PLD5: variants seen among roughly 807,000 people sequenced by gnomAD.
The protein encoded by PLD5 is inactive phospholipase D5.
PLD5 carries 36 observed loss-of-function variants against 61.1 expected under a neutral mutation model. The observed-to-expected ratio is 0.59, with a 90% CI of 0.45 to 0.78. The LOEUF (loss-of-function observed/expected upper bound fraction) is 0.78. PLD5 is among the 30% of genes least tolerant of loss of function. PLD5 has a pLI of 0.00. For missense variants in PLD5, 515 were observed against 644.4 expected, an observed-to-expected ratio of 0.80 and a Z score of 2.17; for synonymous variants, 243 against 242.8, an observed-to-expected ratio of 1.00 and a Z score of -0.01.
intron 5 of PLD5, among the ~76,000 whole-genome samples, chr1:242,172,555 C>CA (rs758719081): frequency 2.6e-5 from 4 of 151,968 alleles, no homozygotes; most frequent in Non-Finnish European, 4.4e-5. Context: ...GATAGAGACA[C>CA]AAAAAACCCT....
rs1574595326 is a variant in PLD5 at position 242,242,521 on chromosome 1, A to T, written c.608-22406T>A. Among the ~76,000 whole-genome samples the T allele has an allele frequency of 2.0e-5, 3 of 152,346 alleles. No homozygotes were observed. The Middle Eastern group carries it at 0.01, about 518-fold the overall frequency. On this transcript the variant is annotated intron_variant, in intron 4 of 9. Coordinates refer to ENST00000536534, the MANE Select transcript of PLD5 (RefSeq NM_001372062.1). Reference sequence around the variant, plus strand: ...TTTTCTAAGGTTTTGCTAAAGATCCAATAACATTGGCTAAAATCACACGCA... The same window carrying T: ...TTTTCTAAGGTTTTGCTAAAGATCCTATAACATTGGCTAAAATCACACGCA...
At chr1:242,245,765 A>G (rs389392) in intron 4 of PLD5, among the ~76,000 whole-genome samples, 144,467 of 152,226 alleles carry the variant, frequency 0.95, 69,026 homozygotes, top group East Asian at 1. Flanking sequence ...TGCATATTCC[A>G]AGCACAGATT....
At chr1:242,198,812 G>A (rs1044493268) in intron 5 of PLD5, among the ~76,000 whole-genome samples, 5 of 151,226 alleles carry the variant, frequency 3.3e-5, no homozygotes, top group East Asian at 1.9e-4. Flanking sequence ...TCAGCTCACC[G>A]CAACCTCCAC....
chr1:242,102,117 G>A (rs12129551), intron 8 of PLD5, among the ~76,000 whole-genome samples: 32,912 of 152,154 alleles, frequency 0.22, 3,713 homozygotes, highest in South Asian at 0.28. Context: ...TCACATGAAT[G>A]TTGAGGGCAT....
intron 3 of PLD5, among the ~76,000 whole-genome samples, chr1:242,281,772 C>T (rs1674733736): frequency 6.6e-6 from 1 of 152,020 alleles, no homozygotes; most frequent in Non-Finnish European, 1.5e-5. Context: ...CTGAAGTGCC[C>T]CCTGCTTCTC....
intron 4 of PLD5, among the ~76,000 whole-genome samples, chr1:242,264,051 C>T (rs1281889024): frequency 6.6e-6 from 1 of 151,994 alleles, no homozygotes; most frequent in Non-Finnish European, 1.5e-5. Context: ...CTAGGAAACT[C>T]CATAAGGAAA....
At chr1:242,245,838 A>G (rs1011173559) in intron 4 of PLD5, among the ~76,000 whole-genome samples, 4 of 152,116 alleles carry the variant, frequency 2.6e-5, no homozygotes, top group African/African-American at 9.7e-5. Context: ...CTCACCAGGT[A>G]GACCCACCAC....
chr1:242,383,378 G>T (rs897938911), intron 1 of PLD5, among the ~76,000 whole-genome samples: 1 of 151,936 alleles, frequency 6.6e-6, no homozygotes, highest in African/African-American at 2.4e-5. Flanking sequence ...TAAGAAGTTT[G>T]TCTATGTCCT....
intron 1 of PLD5, among the ~76,000 whole-genome samples, chr1:242,499,335 T>C (rs1668477582): frequency 6.6e-6 from 1 of 152,192 alleles, no homozygotes; most frequent in African/African-American, 2.4e-5. Flanking sequence ...GAATAATAAT[T>C]GCAGCCAAGA....
chr1:242,288,146 CAT>C (rs1461793302), intron 3 of PLD5, among the ~76,000 whole-genome samples: 1 of 152,188 alleles, frequency 6.6e-6, no homozygotes, highest in Non-Finnish European at 1.5e-5. Context: ...AAAGATGAAA[CAT>C]AATTTTGTCC....
At chr1:242,203,081 T>TA (rs953327981) in intron 5 of PLD5, among the ~76,000 whole-genome samples, 4 of 152,188 alleles carry the variant, frequency 2.6e-5, no homozygotes, top group Admixed American at 1.3e-4. Flanking sequence ...CAACCACCCT[T>TA]ACAGCAACTG....
At chr1:242,152,108 A>C (rs1057403294) in intron 5 of PLD5, among the ~76,000 whole-genome samples, 5 of 152,170 alleles carry the variant, frequency 3.3e-5, no homozygotes, top group Admixed American at 6.5e-5. Context: ...GATAAAATCA[A>C]GGTGTCAGCA....
chr1:242,504,970 A>G (rs1668673846), intron 1 of PLD5, among the ~76,000 whole-genome samples: 1 of 152,048 alleles, frequency 6.6e-6, no homozygotes, highest in Non-Finnish European at 1.5e-5. Flanking sequence ...AGCCTGGACA[A>G]CACAATGATA....
At chr1:242,150,069 TAA>T (rs1185946719) in intron 5 of PLD5, among the ~76,000 whole-genome samples, 1 of 151,840 alleles carries the variant, frequency 6.6e-6, no homozygotes, top group Non-Finnish European at 1.5e-5. Flanking sequence ...TCAATTTCCC[TAA>T]GATTTCCTCT....
intron 5 of PLD5, among the ~76,000 whole-genome samples, chr1:242,150,811 T>A (rs1219047709): frequency 5.9e-5 from 9 of 151,900 alleles, no homozygotes. Context: ...AATGACATGA[T>A]TAGATTAAAA....
At chr1:242,138,120 G>T (rs748394625) in intron 5 of PLD5, among the ~76,000 whole-genome samples, 1 of 152,122 alleles carries the variant, frequency 6.6e-6, no homozygotes, top group Non-Finnish European at 1.5e-5. Flanking sequence ...TTATAAAAAG[G>T]TGACGACTGC....
intron 1 of PLD5, among the ~76,000 whole-genome samples, chr1:242,461,488 A>G (rs1460800266): frequency 6.6e-6 from 1 of 152,208 alleles, no homozygotes; most frequent in Non-Finnish European, 1.5e-5. Context: ...TATTTTTAAA[A>G]AGTCACATAC....
At chr1:242,342,399 G>A (rs745376529) in intron 2 of PLD5, among the ~76,000 whole-genome samples, 3 of 152,212 alleles carry the variant, frequency 2.0e-5, no homozygotes, top group African/African-American at 7.2e-5. Flanking sequence ...AGCACCTGGA[G>A]CTCAGCTCCA....
intron 1 of PLD5, among the ~76,000 whole-genome samples, chr1:242,492,661 G>A (rs889914656): frequency 3.9e-5 from 6 of 152,102 alleles, no homozygotes; most frequent in African/African-American, 1.2e-4. Flanking sequence ...TCCAGGCTGC[G>A]ATAACAGACT....
Sources: gnomAD v4.1 joint callset for allele counts (sites outside exome capture counted in the v4.1 genomes callset) on GRCh38, gnomAD v4.1.1 for gene constraint, MANE v1.5 for transcripts, NCBI Gene and HGNC (gene_info 2026-07-23, HGNC 2026-07-21) for gene names.